Variants in KIF13A observed in about 807,000 individuals in gnomAD.
The protein encoded by KIF13A is kinesin family member 13A, also known as kinesin-like protein KIF13A.
A neutral mutation model predicts 212.2 loss-of-function variants in KIF13A; 79 were observed. The observed-to-expected ratio is 0.37, with a 90% CI of 0.31 to 0.45. The LOEUF (loss-of-function observed/expected upper bound fraction) is 0.45, where lower values mean the gene tolerates loss of function less well. Ranked by LOEUF, KIF13A falls within the 20% of genes least tolerant of loss-of-function variation. KIF13A has a pLI of 1.00. For synonymous variants in KIF13A, 789 were observed against 808.6 expected, an observed-to-expected ratio of 0.98 and a Z score of 0.41; for missense variants, 1,901 against 2,209.0, an observed-to-expected ratio of 0.86 and a Z score of 2.79.
intron 2 of KIF13A, among the ~76,000 whole-genome samples, chr6:17,921,716 G>A (rs1014641993): frequency 2.6e-5 from 4 of 152,162 alleles, no homozygotes; most frequent in Admixed American, 2.0e-4. Context: ...GGAAAGCCAA[G>A]AGTGGGAAGA....
intron 4 of KIF13A, among the ~76,000 whole-genome samples, chr6:17,864,076 C>T (rs1050722928): frequency 5.9e-5 from 9 of 152,168 alleles, no homozygotes; most frequent in Admixed American, 3.3e-4. Context: ...AGCCCATAAA[C>T]GAAGGTTCGT....
At chr6:17,863,795 T>TTTTTG (rs1307860737) in intron 4 of KIF13A, among the ~76,000 whole-genome samples, 61 of 152,256 alleles carry the variant, frequency 4.0e-4, no homozygotes, top group African/African-American at 1.4e-3. Flanking sequence ...ATTTTTGTTT[T>TTTTTG]TTTTGTTTTG....
chr6:17,933,046 T>C (rs1018424559), intron 2 of KIF13A, among the ~76,000 whole-genome samples: 2 of 152,112 alleles, frequency 1.3e-5, no homozygotes, highest in Admixed American at 6.6e-5. Context: ...AAGTGTATCA[T>C]TGTTTCTTTA....
At chr6:17,842,842 C>T (rs987276847) in intron 9 of KIF13A, among the ~76,000 whole-genome samples, 1 of 151,136 alleles carries the variant, frequency 6.6e-6, no homozygotes, top group Non-Finnish European at 1.5e-5. Context: ...GAGAAAAAAC[C>T]GAGTTATAAT....
At chr6:17,821,347 T>C (rs1202924757) in intron 16 of KIF13A, among the ~76,000 whole-genome samples, 1 of 152,224 alleles carries the variant, frequency 6.6e-6, no homozygotes, top group African/African-American at 2.4e-5. Context: ...AAAAAATACA[T>C]TAATCTTACC....
chr6:17,982,908 C>T lies in KIF13A; in HGVS notation c.146+4146G>A, dbSNP rs1394454841. Reference sequence around the variant, plus strand: ...AAAGGGGGCCAGGCGTGGTGGCTCACGCCTGTAATCCCAGCACTTTGGGAG... The same window carrying T: ...AAAGGGGGCCAGGCGTGGTGGCTCATGCCTGTAATCCCAGCACTTTGGGAG... On this transcript the variant is annotated intron_variant, in intron 2 of 38. Transcript: ENST00000259711. The surrounding 1 kb of genome is among the most constrained non-coding windows in gnomAD (Gnocchi z 5.1). 2.6e-5 allele frequency among the ~76,000 whole-genome samples: 4 copies of T among 152,108 alleles called. No individual in the cohort carries two copies. Among genetic ancestry groups the T allele is most frequent in the Non-Finnish European group, 4.4e-5 (3 of 68,018 alleles).
At position 17,828,952 on chromosome 6, in the gene KIF13A, A is replaced by AT. The variant is rs10667237; in HGVS notation, c.1402-583dup. 0.021 allele frequency among the ~76,000 whole-genome samples: 3,081 copies of AT among 147,550 alleles called. 97 individuals are homozygous for AT. Among genetic ancestry groups the AT allele is most frequent in the African/African-American group, 0.069 (2,757 of 40,172 alleles). On this transcript the variant is annotated intron_variant, in intron 13 of 38. Coordinates refer to ENST00000259711, the MANE Select transcript of KIF13A (RefSeq NM_022113.6). This position sits in a 1 kb window ranked among gnomAD's most constrained non-coding sequence, Gnocchi z 4.3. The stretch of plus-strand genomic sequence containing the variant: ...GGGTCATACCATGTACAAACGTGTG[A>AT]TTTTTTTTTTTTTGACATGGTGTCT...
At chr6:17,949,867 ATGCACTATTGG>A (rs1255093994) in intron 2 of KIF13A, among the ~76,000 whole-genome samples, 1 of 152,138 alleles carries the variant, frequency 6.6e-6, no homozygotes. Context: ...GAGATAACAA[ATGCACTATTGG>A]TGGTTTTAAA....
intron 2 of KIF13A, among the ~76,000 whole-genome samples, chr6:17,962,626 G>GT (rs1778931813): frequency 6.6e-6 from 1 of 152,184 alleles, no homozygotes; most frequent in Non-Finnish European, 1.5e-5. Flanking sequence ...TGTGGGGGCT[G>GT]TGTGCAAGTA....
Position 17,926,234 on chromosome 6 carries a change from A to G in KIF13A, c.147-28054T>C, listed in dbSNP as rs1775489403. 6.6e-6 allele frequency among the ~76,000 whole-genome samples: 1 copy of G among 152,028 alleles called. No homozygotes were observed. Among genetic ancestry groups the G allele is most frequent in the Non-Finnish European group, 1.5e-5 (1 of 68,006 alleles). The stretch of plus-strand genomic sequence containing the variant: ...CCTAAATTTATCTGTCTCCTGGTGC[A>G]TTTCTTTATTTTTTTGAGGCAGAGT... On this transcript the variant is annotated intron_variant, in intron 2 of 38. Coordinates refer to ENST00000259711, the MANE Select transcript of KIF13A (RefSeq NM_022113.6). The surrounding 1 kb of genome is among the most constrained non-coding windows in gnomAD (Gnocchi z 4.3).
chr6:17,855,978 T>C lies in KIF13A; in HGVS notation c.313+52A>G. 1 of 1,288,110 alleles carries C rather than the reference T, an allele frequency of 7.8e-7. No homozygotes were observed. The highest frequency in any genetic ancestry group is 1.1e-6 in the Non-Finnish European group (1 of 891,354). 79.8% of individuals were successfully genotyped at this position (1,288,110 alleles called of 1,614,324 possible). On this transcript the variant is annotated intron_variant, in intron 5 of 38. Coordinates refer to ENST00000259711, the MANE Select transcript of KIF13A (RefSeq NM_022113.6). This position sits in a 1 kb window ranked among gnomAD's most constrained non-coding sequence, Gnocchi z 4.1. ...CTCCCACCCCAGCCTCACCAAGTCCTGGGATTATAGGCATGATCCCCCACA... is the reference window on the plus strand; with the variant it reads ...CTCCCACCCCAGCCTCACCAAGTCCCGGGATTATAGGCATGATCCCCCACA...
chr6:17,875,512 T>C (rs1581604853), intron 3 of KIF13A, among the ~76,000 whole-genome samples: 1 of 150,946 alleles, frequency 6.6e-6, no homozygotes, highest in African/African-American at 2.4e-5. Flanking sequence ...TGCAGTGCAG[T>C]GGCATGATCT....
intron 17 of KIF13A, chr6:17,812,133 G>C (rs1763484390): frequency 6.6e-6 from 1 of 152,082 alleles, no homozygotes; most frequent in Admixed American, 6.5e-5. Flanking sequence ...AAACACTATG[G>C]TTAAAAGCAA....
At chr6:17,807,500 C>T (rs932178089) in intron 18 of KIF13A, among the ~76,000 whole-genome samples, 6 of 151,784 alleles carry the variant, frequency 4.0e-5, no homozygotes, top group Admixed American at 1.3e-4. Context: ...GTGGTCAGAC[C>T]GGTTCTCTGC....
At chr6:17,859,638 A>ATATATATATT (rs1461455926) in intron 4 of KIF13A, among the ~76,000 whole-genome samples, 1 of 111,858 alleles carries the variant, frequency 8.9e-6, no homozygotes, top group Non-Finnish European at 1.8e-5. Flanking sequence ...ATATATATAT[A>ATATATATATT]TTTTTTTTTT....
chr6:17,975,748 G>C (rs187560431), intron 2 of KIF13A, among the ~76,000 whole-genome samples: 4 of 148,662 alleles, frequency 2.7e-5, no homozygotes, highest in African/African-American at 7.9e-5. Flanking sequence ...CATTAGATTA[G>C]CTAGATACAG....
chr6:17,880,242 C>T (rs916444073), intron 3 of KIF13A, among the ~76,000 whole-genome samples: 2 of 152,134 alleles, frequency 1.3e-5, no homozygotes, highest in African/African-American at 4.8e-5. Flanking sequence ...AGTTATGAAC[C>T]ACCATGGCTG....
intron 16 of KIF13A, among the ~76,000 whole-genome samples, chr6:17,824,760 CAA>C (rs1234476186): frequency 2.0e-5 from 1 of 48,816 alleles, no homozygotes; most frequent in Non-Finnish European, 3.7e-5. Context: ...GACTCCGTCT[CAA>C]AAAAAAAAAA....
At chr6:17,760,608 G>A (rs1758541739), downstream of KIF13A, 1 of 579,344 alleles carries the variant, frequency 1.7e-6, no homozygotes, top group South Asian at 2.1e-5. Flanking sequence ...AGTTAATCCA[G>A]GATTTTCAGT....
Sources: gnomAD v4.1 joint callset for allele counts (sites outside exome capture counted in the v4.1 genomes callset) on GRCh38, gnomAD v4.1.1 for gene constraint, Gnocchi (gnomAD v3.1) non-coding constraint, MANE v1.5 for transcripts, NCBI Gene and HGNC (gene_info 2026-07-23, HGNC 2026-07-21) for gene names.